ZC4H2: variants seen among roughly 807,000 people sequenced by gnomAD.
ZC4H2 encodes zinc finger C4H2-type containing, also known as zinc finger C4H2 domain-containing protein.
For synonymous variants in ZC4H2, 84 were observed against 66.3 expected, an observed-to-expected ratio of 1.27 and a Z score of -1.30; for missense variants, 137 against 173.9, an observed-to-expected ratio of 0.79 and a Z score of 1.19.
intron 1 of ZC4H2, among the ~76,000 whole-genome samples, chrX:65,006,100 C>T (rs1001192650): frequency 2.7e-5 from 3 of 111,637 alleles, no homozygotes; most frequent in African/African-American, 9.8e-5. Flanking sequence ...AATGCTTTTA[C>T]AGTGTTGAGG....
At chrX:64,976,765 T>C (rs1297171711), upstream of ZC4H2, among the ~76,000 whole-genome samples, 1 of 111,468 alleles carries the variant, frequency 9.0e-6, no homozygotes, top group African/African-American at 3.3e-5. Flanking sequence ...ACCCATTCGC[T>C]CCCTTCGGGG....
At chrX:64,928,572 A>G (rs1425303415) in intron 1 of ZC4H2, among the ~76,000 whole-genome samples, 1 of 110,793 alleles carries the variant, frequency 9.0e-6, no homozygotes, top group Non-Finnish European at 1.9e-5. Context: ...TCATATGATT[A>G]TTAGCCATTT....
chrX:64,919,316 G>A (rs370436911), intron 3 of ZC4H2, 112 bp from the exon 4 acceptor site: 1 of 868,561 alleles, frequency 1.2e-6, no homozygotes, highest in Non-Finnish European at 1.6e-6. Context: ...CATTCTAGAA[G>A]GTCCCCACAC....
At chrX:64,990,730 G>C (rs1237320053) in intron 1 of ZC4H2, among the ~76,000 whole-genome samples, 2 of 111,482 alleles carry the variant, frequency 1.8e-5, no homozygotes, top group African/African-American at 3.3e-5. Flanking sequence ...CCAGGGCCTA[G>C]TGTAGACCCA....
At chrX:64,948,791 G>A (rs999966402) in intron 1 of ZC4H2, among the ~76,000 whole-genome samples, 2 of 111,839 alleles carry the variant, frequency 1.8e-5, no homozygotes, top group African/African-American at 6.5e-5. Flanking sequence ...AGTATTTTTG[G>A]TAAAATATTA....
chrX:64,944,317 A>G (rs1457627426), intron 1 of ZC4H2, among the ~76,000 whole-genome samples: 1 of 107,187 alleles, frequency 9.3e-6, no homozygotes, highest in Non-Finnish European at 1.9e-5. Context: ...ATTGTTTTGT[A>G]TTTTTTTAGT....
chrX:64,950,169 T>C (rs1930730597), intron 1 of ZC4H2, among the ~76,000 whole-genome samples: 1 of 111,933 alleles, frequency 8.9e-6, no homozygotes, highest in Admixed American at 9.5e-5. Context: ...TGAGTGAGTT[T>C]CTTAATCCTG....
At position 64,917,458 on chromosome X, in the gene ZC4H2, C is replaced by A. The variant is rs987108713; in HGVS notation, c.*325G>T. 2.0e-5 allele frequency: 4 copies of A among 198,733 alleles called. No homozygotes were observed. The Admixed American group carries it at 2.7e-4, about 13-fold the overall frequency. The allele number at this position is 198,733 out of a possible 1,213,427, so 16.4% of individuals were successfully genotyped here. ...CTCAGACCCTACAGCTCCTTAGGCT[C>A]CAGGCCTCAGGCACAAGAGATAGAG... is the stretch of plus-strand genomic sequence containing the variant. On this transcript the variant is annotated 3_prime_UTR_variant, in exon 5 of 5. Transcript: ENST00000374839.
At chrX:65,009,303 G>A (rs192839206) in intron 1 of ZC4H2, among the ~76,000 whole-genome samples, 5 of 110,907 alleles carry the variant, frequency 4.5e-5, no homozygotes, top group Non-Finnish European at 1.9e-5. Flanking sequence ...ACTGTGCTAA[G>A]ACCTGAAATT....
At chrX:64,922,859 G>A (rs776117004) in intron 1 of ZC4H2, among the ~76,000 whole-genome samples, 217 of 112,224 alleles carry the variant, frequency 1.9e-3, no homozygotes, top group Non-Finnish European at 3.3e-3. Context: ...AATTTAAACA[G>A]CCACGTGTGG....
At chrX:65,009,431 T>C (rs1286352122) in intron 1 of ZC4H2, among the ~76,000 whole-genome samples, 1 of 111,848 alleles carries the variant, frequency 8.9e-6, no homozygotes, top group East Asian at 2.8e-4. Context: ...GCAACTGCTG[T>C]CTAGGTGGGG....
At chrX:65,023,908 A>G (rs1292456576) in intron 1 of ZC4H2, among the ~76,000 whole-genome samples, 4 of 111,961 alleles carry the variant, frequency 3.6e-5, no homozygotes, top group African/African-American at 1.3e-4. Flanking sequence ...CATATACACC[A>G]TGGAATACTA....
At chrX:64,930,320 A>G (rs774767352) in intron 1 of ZC4H2, among the ~76,000 whole-genome samples, 16 of 111,633 alleles carry the variant, frequency 1.4e-4, no homozygotes, top group Non-Finnish European at 2.6e-4. Flanking sequence ...GCAAACAGTG[A>G]CATTTTGACT....
chrX:65,004,834 A>G lies in ZC4H2; in HGVS notation c.-272+29795T>C, dbSNP rs548310571. Among the ~76,000 whole-genome samples the G allele has an allele frequency of 2.4e-3, 271 of 111,979 alleles. 1 individual carries two copies. Among genetic ancestry groups the G allele is most frequent in the South Asian group, 0.014 (36 of 2,665 alleles). On this transcript the variant is annotated intron_variant, in intron 1 of 4. Coordinates refer to the ZC4H2 transcript ENST00000337990. ...CATGATTGTATATTTAGAAAACCCC[A>G]TCATCTCAGCCCCAAATCTCCTTAA...
intron 1 of ZC4H2, chrX:64,965,476 G>A: frequency 3.1e-6 from 1 of 322,043 alleles, no homozygotes; most frequent in Admixed American, 3.2e-5. Context: ...AAAAAATTAA[G>A]TGAAAATGGA....
At chrX:64,976,552 G>A, upstream of ZC4H2, 1 of 468,094 alleles carries the variant, frequency 2.1e-6, no homozygotes, top group Admixed American at 3.6e-5. Context: ...GGAAGCCCGG[G>A]GGCCTGTAGG....
At chrX:64,954,110 T>C (rs1003929699) in intron 1 of ZC4H2, among the ~76,000 whole-genome samples, 3 of 104,711 alleles carry the variant, frequency 2.9e-5, no homozygotes, top group Non-Finnish European at 5.8e-5. Context: ...TAGGTGGGAA[T>C]TGAACAATGA....
intron 1 of ZC4H2, among the ~76,000 whole-genome samples, chrX:65,025,914 T>A (rs768058777): frequency 1.8e-5 from 2 of 111,899 alleles, no homozygotes; most frequent in East Asian, 2.8e-4. Context: ...GTCCCCAAGC[T>A]CAAATCCAAA....
intron 1 of ZC4H2, among the ~76,000 whole-genome samples, chrX:64,951,945 A>C (rs1930862728): frequency 9.0e-6 from 1 of 111,620 alleles, no homozygotes; most frequent in African/African-American, 3.3e-5. Context: ...TCTAACGTTT[A>C]AGTCTTTAAT....
Sources: gnomAD v4.1 joint callset for allele counts (sites outside exome capture counted in the v4.1 genomes callset) on GRCh38, gnomAD v4.1.1 for gene constraint, MANE v1.5 for transcripts, NCBI Gene and HGNC (gene_info 2026-07-23, HGNC 2026-07-21) for gene names.